Variants in TSPAN15 observed in about 807,000 individuals in gnomAD.
TSPAN15 encodes tetraspanin 15.
A neutral mutation model predicts 34.5 loss-of-function variants in TSPAN15; 20 were observed. That is an observed-to-expected ratio of 0.58 (90% CI 0.41 to 0.84). The LOEUF is 0.84. Ranked by LOEUF, TSPAN15 falls within the 40% of genes least tolerant of loss-of-function variation. The pLI is 0.00. For missense variants in TSPAN15, 313 were observed against 386.1 expected, an observed-to-expected ratio of 0.81 and a Z score of 1.59; for synonymous variants, 155 against 153.9, an observed-to-expected ratio of 1.01 and a Z score of -0.05.
chr10:69,548,821 A>G, the TSPAN15 span, among the ~76,000 whole-genome samples: 1 of 152,130 alleles, frequency 6.6e-6, no homozygotes, highest in Non-Finnish European at 1.5e-5. Flanking sequence ...CAGGTTGGGG[A>G]ATCATTTGAG....
chr10:69,537,914 A>C, the TSPAN15 span, among the ~76,000 whole-genome samples: 347 of 152,306 alleles, frequency 2.3e-3, 2 homozygotes, highest in African/African-American at 8.0e-3. Flanking sequence ...CTTAAGCAAC[A>C]GACATTTATT....
intron 4 of TSPAN15, among the ~76,000 whole-genome samples, chr10:69,496,320 CAATAATAAT>C (rs3028371): frequency 0.26 from 34,864 of 132,302 alleles, 4,904 homozygotes; most frequent in East Asian, 0.54. Flanking sequence ...TCTGTTGGTG[CAATAATAAT>C]AATAATAATA....
chr10:69,479,516 C>T (rs1841687034), intron 1 of TSPAN15, among the ~76,000 whole-genome samples: 1 of 152,342 alleles, frequency 6.6e-6, no homozygotes, highest in Admixed American at 6.5e-5. Flanking sequence ...ATGGGCATGG[C>T]CGTGTGCCCC....
In TSPAN15 at chr10:69,466,425, G is replaced by C. The variant is rs184898635; in HGVS notation, c.96+14735G>C. 4.4e-3 allele frequency among the ~76,000 whole-genome samples: 677 copies of C among 152,312 alleles called. 1 individual carries two copies. The highest frequency in any genetic ancestry group is 8.0e-3 in the Non-Finnish European group (545 of 68,024). On this transcript the variant is annotated intron_variant, in intron 1 of 7. Transcript: ENST00000373290. ...TGGTGCACAAGATGATTGTAGCTGGGCCATGGGGGAACATTTAAACATTTT... is the reference window on the plus strand; with the variant it reads ...TGGTGCACAAGATGATTGTAGCTGGCCCATGGGGGAACATTTAAACATTTT...
intron 6 of TSPAN15, 132 bp downstream of exon 6, chr10:69,504,617 C>A: frequency 1.1e-6 from 1 of 928,532 alleles, no homozygotes; most frequent in Non-Finnish European, 1.7e-6. Flanking sequence ...TGACCCAGAG[C>A]CAGGACTGCT....
chr10:69,464,951 AG>A (rs1465429993), intron 1 of TSPAN15, among the ~76,000 whole-genome samples: 1 of 152,226 alleles, frequency 6.6e-6, no homozygotes, highest in African/African-American at 2.4e-5. Context: ...TGTTCTCTGC[AG>A]GGTCAGAACC....
chr10:69,485,333 C>A, intron 3 of TSPAN15, 118 bp downstream of exon 3: 1 of 869,222 alleles, frequency 1.2e-6, no homozygotes, highest in Non-Finnish European at 2.0e-6. Flanking sequence ...AGCTTTCATT[C>A]TGCTGAAAGA....
chr10:69,522,378 A>G, the TSPAN15 span, among the ~76,000 whole-genome samples: 1,202 of 61,052 alleles, frequency 0.02, 12 homozygotes, highest in Non-Finnish European at 0.034. Flanking sequence ...CTTGTCTCAA[A>G]AAAAAAAAAA....
At chr10:69,474,158 CCTCCCCCCACCTG>C (rs1376531138) in intron 1 of TSPAN15, among the ~76,000 whole-genome samples, 2 of 149,674 alleles carry the variant, frequency 1.3e-5, no homozygotes, top group Non-Finnish European at 3.0e-5. Flanking sequence ...TGCCCACCCT[CCTCCCCCCACCTG>C]CTCTCCCCAC....
chr10:69,456,862 C>T (rs1841122723), intron 1 of TSPAN15, among the ~76,000 whole-genome samples: 1 of 152,186 alleles, frequency 6.6e-6, no homozygotes, highest in Non-Finnish European at 1.5e-5. Flanking sequence ...ACACTCAGGG[C>T]CCTCTTGTTT....
Position 69,507,141 on chromosome 10 carries a change from C to G in TSPAN15, c.*163C>G. ...TGTAGGTCCCACGGCCTCTGCCTCC[C>G]CAGGGAGCAGAGCCTGGGCCTCCCC... is the stretch of plus-strand genomic sequence containing the variant. On this transcript the variant is annotated 3_prime_UTR_variant, in exon 8 of 8. Coordinates refer to ENST00000373290, the MANE Select transcript of TSPAN15 (RefSeq NM_012339.5). 2.1e-6 allele frequency: 3 copies of G among 1,441,844 alleles called. No individual in the cohort carries two copies. The highest frequency in any genetic ancestry group is 2.6e-5 in the East Asian group (1 of 39,110). 89.3% of individuals were successfully genotyped at this position (1,441,844 alleles called of 1,614,324 possible).
chr10:69,540,209 G>A, the TSPAN15 span, among the ~76,000 whole-genome samples: 4 of 151,964 alleles, frequency 2.6e-5, no homozygotes, highest in East Asian at 2.0e-4. Flanking sequence ...TAGCTAACAC[G>A]GTGAAACCCC....
intron 6 of TSPAN15, 132 bp downstream of exon 6, chr10:69,504,617 C>G (rs1469646483): frequency 6.5e-6 from 6 of 928,420 alleles, no homozygotes; most frequent in Non-Finnish European, 1.0e-5. Flanking sequence ...TGACCCAGAG[C>G]CAGGACTGCT....
downstream of TSPAN15, among the ~76,000 whole-genome samples, chr10:69,512,301 T>G (rs924352648): frequency 1.1e-4 from 17 of 152,252 alleles, no homozygotes; most frequent in African/African-American, 3.6e-4. Context: ...CTACATCATT[T>G]GTGAAGTTGA....
chr10:69,498,369 G>A lies in TSPAN15; in HGVS notation c.543G>A (p.Val181=). ...CCCCTGGACCCCTGGCCTGTGGGGTGCCCTACACCTGCTGCATCAGGAACA... is the reference window on the plus strand; with the variant it reads ...CCCCTGGACCCCTGGCCTGTGGGGTACCCTACACCTGCTGCATCAGGAACA... The part of the protein sequence containing the change: ...CSAPGPLACG[V]PYTCCIRNTT... Residue 181 remains valine (V), a synonymous_variant, in exon 5 of 8, where the codon GTG becomes GTA. Transcript: ENST00000373290. 3 of 1,613,976 alleles carry A rather than the reference G, an allele frequency of 1.9e-6. No homozygotes were observed. The highest frequency in any genetic ancestry group is 2.5e-6 in the Non-Finnish European group (3 of 1,179,954).
the TSPAN15 span, among the ~76,000 whole-genome samples, chr10:69,546,194 C>T: frequency 3.3e-5 from 5 of 152,264 alleles, no homozygotes; most frequent in East Asian, 1.9e-4. Context: ...ATTCCATGTG[C>T]GTCTTCCTAG....
At chr10:69,542,958 A>T in the TSPAN15 span, among the ~76,000 whole-genome samples, 7 of 152,242 alleles carry the variant, frequency 4.6e-5, no homozygotes, top group Non-Finnish European at 1.0e-4. Context: ...GCAAGTATTC[A>T]ACCTCTCTGG....
At chr10:69,513,558 T>C in the TSPAN15 span, among the ~76,000 whole-genome samples, 1 of 152,222 alleles carries the variant, frequency 6.6e-6, no homozygotes, top group Non-Finnish European at 1.5e-5. Flanking sequence ...AGCAGGAGTT[T>C]TTAACTTGAT....
the TSPAN15 span, among the ~76,000 whole-genome samples, chr10:69,538,374 C>A: frequency 6.6e-6 from 1 of 152,150 alleles, no homozygotes; most frequent in Non-Finnish European, 1.5e-5. Context: ...AATAATGGCA[C>A]CTCTGATATA....
Sources: gnomAD v4.1 joint callset for allele counts (sites outside exome capture counted in the v4.1 genomes callset) on GRCh38, gnomAD v4.1.1 for gene constraint, MANE v1.5 for transcripts, NCBI Gene and HGNC (gene_info 2026-07-23, HGNC 2026-07-21) for gene names.